CNTNAP2: variants seen among roughly 807,000 people sequenced by gnomAD.
CNTNAP2 encodes the protein contactin-associated protein-like 2.
CNTNAP2 carries 98 observed loss-of-function variants against 155.2 expected under a neutral mutation model. The observed-to-expected ratio is 0.63, with a 90% CI of 0.54 to 0.75. The LOEUF (loss-of-function observed/expected upper bound fraction) is 0.75, where lower values mean the gene tolerates loss of function less well. Ranked by LOEUF, CNTNAP2 falls within the 30% of genes least tolerant of loss-of-function variation. The pLI, the probability that CNTNAP2 is intolerant of heterozygous loss-of-function variation, is 0.00. For missense variants in CNTNAP2, 1,727 were observed against 1,688.1 expected (o/e 1.02, Z -0.40); for synonymous variants, 651 against 631.2 (o/e 1.03, Z -0.47).
At chr7:146,417,442 C>T (rs1795953409) in intron 1 of CNTNAP2, among the ~76,000 whole-genome samples, 1 of 152,126 alleles carries the variant, frequency 6.6e-6, no homozygotes, top group Admixed American at 6.6e-5. Flanking sequence ...TCAAAGGCAG[C>T]ATGTTTATGC....
intron 12 of CNTNAP2, among the ~76,000 whole-genome samples, chr7:147,634,389 G>A (rs1032935870): frequency 6.6e-6 from 1 of 152,192 alleles, no homozygotes; most frequent in African/African-American, 2.4e-5. Flanking sequence ...ACTTGTAAGT[G>A]GGAGCTAATC....
chr7:146,762,820 C>G (rs1315657102), intron 1 of CNTNAP2, among the ~76,000 whole-genome samples: 1 of 152,024 alleles, frequency 6.6e-6, no homozygotes, highest in African/African-American at 2.4e-5. Context: ...AGGGGAACTC[C>G]CCTTTATAAA....
chr7:146,371,342 C>A (rs73162190), intron 1 of CNTNAP2, among the ~76,000 whole-genome samples: 39,080 of 145,986 alleles, frequency 0.27, 6,375 homozygotes, highest in Admixed American at 0.41. Context: ...AGTTATTTTG[C>A]AATATAATAT....
chr7:146,608,823 T>A (rs113837404), intron 1 of CNTNAP2, among the ~76,000 whole-genome samples: 1 of 152,190 alleles, frequency 6.6e-6, no homozygotes, highest in African/African-American at 2.4e-5. Flanking sequence ...TTTCTGTGTA[T>A]AATTTTAAAT....
At chr7:147,738,947 G>A (rs150117008) in intron 13 of CNTNAP2, among the ~76,000 whole-genome samples, 1,723 of 152,084 alleles carry the variant, frequency 0.011, 96 homozygotes, top group Admixed American at 0.089. Context: ...GAGCCACTGC[G>A]CCCGGGCAAA....
chr7:146,716,313 T>A (rs754633439), intron 1 of CNTNAP2, among the ~76,000 whole-genome samples: 11 of 150,968 alleles, frequency 7.3e-5, no homozygotes, highest in African/African-American at 2.7e-4. Flanking sequence ...ACCTTATACA[T>A]ACCATTTCCC....
At chr7:147,225,215 A>G (rs987975854) in intron 8 of CNTNAP2, among the ~76,000 whole-genome samples, 3 of 152,232 alleles carry the variant, frequency 2.0e-5, no homozygotes, top group Admixed American at 6.5e-5. Flanking sequence ...ACAACTGTCA[A>G]TTACAAATTC....
At chr7:147,168,704 T>C (rs540933032) in intron 8 of CNTNAP2, among the ~76,000 whole-genome samples, 1 of 152,258 alleles carries the variant, frequency 6.6e-6, no homozygotes, top group African/African-American at 2.4e-5. Flanking sequence ...TGTTCTATAC[T>C]TAAAGTTAAG....
intron 1 of CNTNAP2, among the ~76,000 whole-genome samples, chr7:146,315,425 C>T (rs906515477): frequency 6.6e-6 from 1 of 152,142 alleles, no homozygotes; most frequent in East Asian, 1.9e-4. Flanking sequence ...AAATGTAAGG[C>T]ACTGTGCTCA....
At position 146,998,588 on chromosome 7, in the gene CNTNAP2, G is replaced by A. The variant is rs535135852; in HGVS notation, c.403-45319G>A. 2.0e-5 allele frequency among the ~76,000 whole-genome samples: 3 copies of A among 152,052 alleles called. No homozygotes were observed. In the South Asian group the frequency reaches 6.2e-4, roughly 31 times the overall value. Reference sequence around the variant, plus strand: ...AGTTTCAACATGATGTTTCTATGTTGATTTTCAGTCTGGATGAACTATCCA... The same window carrying A: ...AGTTTCAACATGATGTTTCTATGTTAATTTTCAGTCTGGATGAACTATCCA... On this transcript the variant is annotated intron_variant, in intron 3 of 23. Coordinates refer to ENST00000361727, the MANE Select transcript of CNTNAP2 (RefSeq NM_014141.6).
intron 1 of CNTNAP2, among the ~76,000 whole-genome samples, chr7:146,474,649 T>C (rs1190030320): frequency 6.6e-6 from 1 of 152,152 alleles, no homozygotes; most frequent in Non-Finnish European, 1.5e-5. Context: ...TAGCACAGAC[T>C]TAGTTACAAT....
chr7:147,702,441 GTGTAATGTAA>G (rs1254530816), intron 13 of CNTNAP2, among the ~76,000 whole-genome samples: 1 of 151,890 alleles, frequency 6.6e-6, no homozygotes, highest in African/African-American at 2.4e-5. Context: ...AAATCTTGAT[GTGTAATGTAA>G]TGTAAGATAT....
Position 148,147,669 on chromosome 7 carries a change from A to C in CNTNAP2, c.2733A>C (p.Glu911Asp). 1 of 1,614,006 alleles carries C rather than the reference A, an allele frequency of 6.2e-7. No individual in the cohort carries two copies. The highest frequency in any genetic ancestry group is 8.5e-7 in the Non-Finnish European group (1 of 1,180,010). Reference sequence around the variant, plus strand: ...AGCAGATCCGCAAGGCCCCAACAGAAGGCCACACCCGCCTGGAGCTCTACA... The same window carrying C: ...AGCAGATCCGCAAGGCCCCAACAGACGGCCACACCCGCCTGGAGCTCTACA... Reference protein sequence around the residue: ...LPQQIRKAPTEGHTRLELYSQ... With the variant: ...LPQQIRKAPTDGHTRLELYSQ... The change falls in exon 17 of 24, where the codon GAA (glutamate) becomes GAC (aspartate). Residue 911 changes from glutamate to aspartate, a missense_variant. Coordinates refer to ENST00000361727, the MANE Select transcript of CNTNAP2 (RefSeq NM_014141.6).
chr7:146,731,369 A>G (rs895322354), intron 1 of CNTNAP2, among the ~76,000 whole-genome samples: 1 of 151,630 alleles, frequency 6.6e-6, no homozygotes, highest in East Asian at 1.9e-4. Context: ...TTTATTTATT[A>G]TTTATTATTT....
At chr7:147,601,014 G>A (rs571637793) in intron 12 of CNTNAP2, among the ~76,000 whole-genome samples, 2 of 152,130 alleles carry the variant, frequency 1.3e-5, no homozygotes, top group Non-Finnish European at 2.9e-5. Context: ...TAGAAATGTA[G>A]ATTTTTTCTC....
chr7:147,113,467 G>A (rs1476156459), intron 5 of CNTNAP2, among the ~76,000 whole-genome samples: 1 of 151,818 alleles, frequency 6.6e-6, no homozygotes, highest in African/African-American at 2.4e-5. Flanking sequence ...AGGTTTACTT[G>A]ACTTACAGTT....
At chr7:147,954,639 A>AT (rs1367902104) in intron 14 of CNTNAP2, among the ~76,000 whole-genome samples, 1 of 152,152 alleles carries the variant, frequency 6.6e-6, no homozygotes, top group African/African-American at 2.4e-5. Flanking sequence ...AATAATTGCT[A>AT]TTTGAATGCT....
chr7:147,527,506 C>A (rs1207087002), intron 11 of CNTNAP2, among the ~76,000 whole-genome samples: 2 of 152,178 alleles, frequency 1.3e-5, no homozygotes, highest in African/African-American at 4.8e-5. Flanking sequence ...AAAATGTATA[C>A]ATACTGTATG....
intron 1 of CNTNAP2, among the ~76,000 whole-genome samples, chr7:146,321,919 G>A (rs569371412): frequency 6.6e-6 from 1 of 152,098 alleles, no homozygotes; most frequent in Middle Eastern, 3.4e-3. Flanking sequence ...CATGAGATCT[G>A]AAATTCTTTC....
Sources: gnomAD v4.1 joint callset for allele counts (sites outside exome capture counted in the v4.1 genomes callset) on GRCh38, gnomAD v4.1.1 for gene constraint, MANE v1.5 for transcripts, NCBI Gene and HGNC (gene_info 2026-07-23, HGNC 2026-07-21) for gene names.